Variants in PCDH11X observed in about 807,000 individuals in gnomAD.
The protein encoded by PCDH11X is protocadherin 11 X-linked, also known as protocadherin-11 X-linked.
A neutral mutation model predicts 53.3 loss-of-function variants in PCDH11X; 18 were observed. The observed-to-expected ratio is 0.34, with a 90% CI of 0.23 to 0.50. PCDH11X has a LOEUF of 0.50. Ranked by LOEUF, PCDH11X falls within the 20% of genes least tolerant of loss-of-function variation. PCDH11X has a pLI of 0.98. For missense variants in PCDH11X, 570 were observed against 1,032.4 expected (o/e 0.55, Z 6.14); for synonymous variants, 279 against 393.3 (o/e 0.71, Z 3.44).
chrX:91,869,326 A>G (rs1159340770), intron 5 of PCDH11X, among the ~76,000 whole-genome samples: 3 of 111,041 alleles, frequency 2.7e-5, no homozygotes, highest in African/African-American at 9.8e-5. Context: ...GCCAGCATCA[A>G]AAGGACTTCC....
chrX:92,553,943 T>C (rs2075004500), intron 10 of PCDH11X, among the ~76,000 whole-genome samples: 1 of 111,530 alleles, frequency 9.0e-6, no homozygotes, highest in Non-Finnish European at 1.9e-5. Context: ...ATTCAGCATC[T>C]CATTCTCCAT....
intron 8 of PCDH11X, among the ~76,000 whole-genome samples, chrX:92,375,140 A>AC (rs2070709456): frequency 4.1e-5 from 1 of 24,375 alleles, no homozygotes; most frequent in Non-Finnish European, 8.1e-5. Flanking sequence ...CATTCCATTC[A>AC]TTTATATATA....
intron 9 of PCDH11X, chrX:92,460,451 G>C (rs2073014475): frequency 1.3e-6 from 1 of 773,716 alleles, no homozygotes; most frequent in African/African-American, 1.9e-5. Context: ...GGGAAGAACC[G>C]AGAGGAGCTA....
chrX:92,615,702 C>G (rs1751271016), intron 10 of PCDH11X, among the ~76,000 whole-genome samples: 1 of 110,727 alleles, frequency 9.0e-6, no homozygotes, highest in Non-Finnish European at 1.9e-5. Context: ...AAATGGCATC[C>G]TGCTGTCAGT....
chrX:92,611,165 G>T (rs959053067), intron 10 of PCDH11X, among the ~76,000 whole-genome samples: 105 of 109,845 alleles, frequency 9.6e-4, no homozygotes, highest in African/African-American at 3.3e-3. Flanking sequence ...GATAGGAAGA[G>T]TGTTGAATCT....
intron 9 of PCDH11X, among the ~76,000 whole-genome samples, chrX:92,415,964 G>T (rs34045151): frequency 9.0e-6 from 1 of 111,569 alleles, no homozygotes; most frequent in African/African-American, 3.2e-5. Context: ...CACTTTGTAT[G>T]ATTGGAAAAA....
intron 8 of PCDH11X, among the ~76,000 whole-genome samples, chrX:92,267,354 G>T (rs1438778925): frequency 1.8e-5 from 2 of 112,014 alleles, no homozygotes; most frequent in African/African-American, 6.5e-5. Flanking sequence ...GTATATTTCC[G>T]ATTTCTCTAT....
chrX:92,466,827 G>T (rs1314355015), intron 9 of PCDH11X, among the ~76,000 whole-genome samples: 3 of 109,292 alleles, frequency 2.7e-5, no homozygotes, highest in Non-Finnish European at 5.7e-5. Flanking sequence ...AATTAGAAAG[G>T]ATTTTTATCA....
intron 10 of PCDH11X, among the ~76,000 whole-genome samples, chrX:92,577,387 T>C (rs1016713784): frequency 3.6e-5 from 4 of 109,938 alleles, no homozygotes; most frequent in African/African-American, 1.3e-4. Flanking sequence ...GAGTCAGTGG[T>C]GGTATCCCCC....
chrX:92,405,678 CAT>C lies in PCDH11X; in HGVS notation c.3343+17746_3343+17747del, dbSNP rs1197153940. Among the ~76,000 whole-genome samples, 17 of 103,529 alleles carry C rather than the reference CAT, an allele frequency of 1.6e-4. No homozygotes were observed. In the South Asian group the frequency reaches 6.6e-3, roughly 40 times the overall value. 89.9% of individuals were successfully genotyped at this position (103,529 alleles called of 115,157 possible). On this transcript the variant is annotated intron_variant, in intron 9 of 10. Transcript: ENST00000682573. ...GTTATATTAAAAATAAAAGTATTAA[CAT>C]GTGTATACATGGTAAAACATTTAAA... is the stretch of plus-strand genomic sequence containing the variant.
chrX:92,600,229 C>T (rs1040463336), intron 10 of PCDH11X, among the ~76,000 whole-genome samples: 1 of 107,604 alleles, frequency 9.3e-6, no homozygotes, highest in Non-Finnish European at 1.9e-5. Flanking sequence ...TATTGAGAAG[C>T]CAAATATTAA....
intron 7 of PCDH11X, among the ~76,000 whole-genome samples, chrX:92,256,305 G>A (rs946913355): frequency 1.1e-4 from 12 of 111,163 alleles, no homozygotes; most frequent in Non-Finnish European, 1.7e-4. Context: ...TTCAGCTCGC[G>A]CACGGTGTGC....
At chrX:92,253,273 G>T (rs940362414) in intron 7 of PCDH11X, among the ~76,000 whole-genome samples, 1 of 111,338 alleles carries the variant, frequency 9.0e-6, no homozygotes, top group South Asian at 3.7e-4. Flanking sequence ...TTTGTTTCTG[G>T]GTTCTCCATT....
At chrX:91,783,865 C>G (rs1334031248) in intron 1 of PCDH11X, among the ~76,000 whole-genome samples, 1 of 112,025 alleles carries the variant, frequency 8.9e-6, no homozygotes, top group Non-Finnish European at 1.9e-5. Context: ...AATTAGTCAC[C>G]TACTGTGCCA....
At chrX:92,336,047 C>T (rs763400367) in intron 8 of PCDH11X, among the ~76,000 whole-genome samples, 9 of 110,786 alleles carry the variant, frequency 8.1e-5, no homozygotes, top group Non-Finnish European at 1.5e-4. Context: ...ACAGCTATAG[C>T]AATTATCTTA....
intron 8 of PCDH11X, among the ~76,000 whole-genome samples, chrX:92,353,891 G>T (rs1364058208): frequency 1.4e-4 from 15 of 106,747 alleles, no homozygotes; most frequent in East Asian, 6.0e-4. Flanking sequence ...TGCATGTTTA[G>T]TTACTGCAAG....
chrX:92,470,643 G>T (rs953243858), intron 10 of PCDH11X, among the ~76,000 whole-genome samples: 9 of 111,370 alleles, frequency 8.1e-5, no homozygotes, highest in African/African-American at 2.0e-4. Context: ...AATTCTTAGA[G>T]AATTTTTTTA....
intron 9 of PCDH11X, among the ~76,000 whole-genome samples, chrX:92,448,006 CT>C (rs1315494467): frequency 9.5e-6 from 1 of 105,411 alleles, no homozygotes; most frequent in Non-Finnish European, 2.0e-5. Flanking sequence ...GGCCTGTAGT[CT>C]CTTTGTTTTG....
intron 10 of PCDH11X, among the ~76,000 whole-genome samples, chrX:92,525,747 T>C (rs2074441894): frequency 1.8e-5 from 2 of 111,399 alleles, no homozygotes; most frequent in Non-Finnish European, 3.8e-5. Flanking sequence ...CTTACAAATA[T>C]TATAACGATA....
Sources: allele counts gnomAD v4.1 joint callset (sites outside exome capture counted in the v4.1 genomes callset), GRCh38; gene constraint gnomAD v4.1.1; transcripts MANE v1.5; gene names NCBI Gene and HGNC (gene_info 2026-07-23, HGNC 2026-07-21).